CSAG1: variants seen among roughly 807,000 people sequenced by gnomAD.
The protein encoded by CSAG1 is chondrosarcoma-associated gene 1 protein.
In CSAG1, 4 loss-of-function variants were observed where a neutral mutation model predicts 4.8. The ratio of observed to expected loss-of-function variants is 0.83; its 90% CI spans 0.41 to 1.90. The LOEUF (loss-of-function observed/expected upper bound fraction) is 1.90, where lower values mean the gene tolerates loss of function less well. Ranked by LOEUF, CSAG1 falls within the 40% of genes most tolerant of loss-of-function variation. The pLI is 0.03. For synonymous variants in CSAG1, 21 were observed against 23.1 expected, an observed-to-expected ratio of 0.91 and a Z score of 0.26; for missense variants, 69 against 59.5, an observed-to-expected ratio of 1.16 and a Z score of -0.53.
intron 1 of CSAG1, among the ~76,000 whole-genome samples, chrX:152,733,404 A>AC (rs1556227512): frequency 4.9e-4 from 55 of 111,645 alleles, no homozygotes; most frequent in African/African-American, 1.4e-3. Context: ...AGCCCTGGTA[A>AC]ACTTAGGCAA....
chrX:152,731,192 G>T (rs190146027), intron 2 of CSAG1, among the ~76,000 whole-genome samples: 36 of 111,476 alleles, frequency 3.2e-4, no homozygotes, highest in African/African-American at 1.1e-3. Context: ...GTTCATGCTC[G>T]GTATCAAGTA....
chrX:152,728,617 A>G (rs1353143315), intron 2 of CSAG1, among the ~76,000 whole-genome samples: 3 of 112,614 alleles, frequency 2.7e-5, no homozygotes, highest in African/African-American at 6.5e-5. Context: ...AGCTCAGGCT[A>G]GAATAACAAA....
intron 2 of CSAG1, among the ~76,000 whole-genome samples, chrX:152,732,132 C>T (rs1394233525): frequency 8.9e-6 from 1 of 112,424 alleles, no homozygotes; most frequent in Non-Finnish European, 1.9e-5. Context: ...TCAAGTGCAT[C>T]GGCCTTCAGA....
intron 2 of CSAG1, among the ~76,000 whole-genome samples, chrX:152,728,956 A>T (rs1932089670): frequency 9.0e-6 from 1 of 111,461 alleles, no homozygotes; most frequent in Admixed American, 9.5e-5. Flanking sequence ...AAGCCTCATC[A>T]CCAAATACAG....
intron 1 of CSAG1, 68 bp downstream of exon 1, chrX:152,733,600 A>G (rs1356596519): frequency 4.5e-5 from 2 of 44,871 alleles, no homozygotes; most frequent in Admixed American, 6.6e-4. Flanking sequence ...CAACCCCACC[A>G]GGATCTACAG....
intron 2 of CSAG1, among the ~76,000 whole-genome samples, chrX:152,730,895 T>G (rs1556228476): frequency 8.9e-6 from 1 of 112,618 alleles, no homozygotes; most frequent in African/African-American, 3.2e-5. Context: ...GGGGGAAAGT[T>G]ATCATATTTG....
rs1556830848 is a variant in CSAG1 at position 152,728,239 on chromosome X, G to A, written c.17-15C>T. The A allele has an allele frequency of 8.4e-6, 10 of 1,194,944 alleles. No homozygotes were observed. The highest frequency in any genetic ancestry group is 3.0e-5 in the East Asian group (1 of 33,726). ...AGGCCAGCAGGCTAGAAACTCACAC[G>A]ACATTATTATGTTAGTCTTGTGGTA... On this transcript the variant is annotated splice_polypyrimidine_tract_variant and intron_variant, in intron 2 of 3. Transcript: ENST00000452779.
At chrX:152,730,579 T>A (rs1298524008) in intron 2 of CSAG1, among the ~76,000 whole-genome samples, 3 of 111,801 alleles carry the variant, frequency 2.7e-5, no homozygotes, top group Admixed American at 9.5e-5. Context: ...CCACCAGACA[T>A]GAAATCTGCC....
chrX:152,729,840 G>A (rs1324132403), intron 2 of CSAG1, among the ~76,000 whole-genome samples: 1 of 110,003 alleles, frequency 9.1e-6, no homozygotes, highest in Non-Finnish European at 1.9e-5. Context: ...CATAGACTTA[G>A]CGTAAGATTC....
intron 1 of CSAG1, among the ~76,000 whole-genome samples, chrX:152,732,727 TA>T (rs1932188209): frequency 8.9e-6 from 1 of 112,111 alleles, no homozygotes; most frequent in African/African-American, 3.2e-5. Flanking sequence ...ATAAAAGTTT[TA>T]AAATTTCCAC....
At chrX:152,728,040 G>C in intron 3 of CSAG1, 34 bp downstream of exon 3, 1 of 1,211,291 alleles carries the variant, frequency 8.3e-7, no homozygotes, top group East Asian at 3.0e-5. Flanking sequence ...GGGCTTCTGG[G>C]CCAGGGATGA....
At chrX:152,730,426 G>A (rs1164838810) in intron 2 of CSAG1, among the ~76,000 whole-genome samples, 2 of 111,652 alleles carry the variant, frequency 1.8e-5, no homozygotes, top group African/African-American at 6.5e-5. Flanking sequence ...GGGGTATTTG[G>A]AGAATGACTA....
intron 1 of CSAG1, chrX:152,733,359 G>A (rs1331320265): frequency 1.8e-5 from 2 of 112,383 alleles, no homozygotes; most frequent in Non-Finnish European, 3.8e-5. Context: ...CCCCCACGTA[G>A]TGGGACCACA....
chrX:152,732,220 T>C (rs199845243), intron 2 of CSAG1, among the ~76,000 whole-genome samples: 2 of 112,442 alleles, frequency 1.8e-5, no homozygotes, highest in East Asian at 2.8e-4. Context: ...CAGCAATTAA[T>C]AGACAATATG....
At chrX:152,732,885 A>T (rs1267767661) in intron 1 of CSAG1, 1 of 137,083 alleles carries the variant, frequency 7.3e-6, no homozygotes, top group Non-Finnish European at 1.4e-5. Flanking sequence ...ACATAGTGGG[A>T]GAGGAATTAC....
intron 1 of CSAG1, among the ~76,000 whole-genome samples, 184 bp downstream of exon 1, chrX:152,733,484 G>T (rs1426169670): frequency 3.6e-5 from 4 of 111,258 alleles, no homozygotes; most frequent in African/African-American, 1.3e-4. Context: ...GACTTGGTCT[G>T]AGGGGAGCAG....
rs1331186958 is a variant in CSAG1 at position 152,732,388 on chromosome X, A to G, written c.16+57T>C. 5 of 1,177,395 alleles carry G rather than the reference A, an allele frequency of 4.2e-6. No homozygotes were observed. In the African/African-American group the frequency reaches 5.3e-5, roughly 13 times the overall value. On this transcript the variant is annotated intron_variant, in intron 2 of 3. Coordinates refer to ENST00000452779, the MANE Select transcript of CSAG1 (RefSeq NM_001102576.3). ...AGTATAACATATTCATTCATGGGGAACACAACAGTGTAAAAATGTAAACTC... is the reference window on the plus strand; with the variant it reads ...AGTATAACATATTCATTCATGGGGAGCACAACAGTGTAAAAATGTAAACTC...
intron 1 of CSAG1, among the ~76,000 whole-genome samples, chrX:152,732,838 A>G (rs142786973): frequency 0.015 from 1,682 of 112,082 alleles, 26 homozygotes; most frequent in African/African-American, 0.051. Flanking sequence ...TTAAGGCAGC[A>G]TGGCTCCAGA....
intron 3 of CSAG1, 83 bp downstream of exon 3, chrX:152,727,991 G>A (rs2124962727): frequency 6.6e-6 from 8 of 1,209,521 alleles, no homozygotes; most frequent in Admixed American, 2.2e-5. Context: ...GGGAGGACAG[G>A]GTAGGAGTCA....
Sources: gnomAD v4.1 joint callset for allele counts (sites outside exome capture counted in the v4.1 genomes callset) on GRCh38, gnomAD v4.1.1 for gene constraint, MANE v1.5 for transcripts, NCBI Gene and HGNC (gene_info 2026-07-23, HGNC 2026-07-21) for gene names.